The following B3GALT1 variants were observed in gnomAD, a reference collection of about 807,000 sequenced individuals.
B3GALT1 encodes the protein UDP-Gal:betaGlcNAc beta 1,3-galactosyltransferase, polypeptide 1.
A neutral mutation model predicts 23.2 loss-of-function variants in B3GALT1; 10 were observed. That is an observed-to-expected ratio of 0.43 (90% CI 0.27 to 0.73). The LOEUF (loss-of-function observed/expected upper bound fraction) is 0.73, where lower values mean the gene tolerates loss of function less well. B3GALT1 is among the 30% of genes least tolerant of loss of function. The pLI, the probability that B3GALT1 is intolerant of heterozygous loss-of-function variation, is 0.21. For synonymous variants in B3GALT1, 156 were observed against 141.5 expected (o/e 1.10, Z -0.73); for missense variants, 299 against 405.4 (o/e 0.74, Z 2.25).
rs1022667410 is a variant in B3GALT1 at position 167,576,806 on chromosome 2, G to A, written c.-409-70103G>A. ...CTCTGCCTATTCACTATTAGGGAGA[G>A]AGGATGAGGGAAATTAATGCGACTC... is the stretch of plus-strand genomic sequence containing the variant. On this transcript the variant is annotated intron_variant, in intron 2 of 4. Coordinates refer to ENST00000392690, the MANE Select transcript of B3GALT1 (RefSeq NM_020981.4). Among the ~76,000 whole-genome samples the A allele has an allele frequency of 3.3e-5, 5 of 151,812 alleles. No individual in the cohort carries two copies. The South Asian group carries it at 1.0e-3, about 31-fold the overall frequency.
chr2:167,503,827 G>T (rs766552272), intron 2 of B3GALT1, among the ~76,000 whole-genome samples: 3 of 152,116 alleles, frequency 2.0e-5, no homozygotes, highest in Non-Finnish European at 4.4e-5. Flanking sequence ...AATGGTCATT[G>T]CCTTCATTGT....
In B3GALT1 at chr2:167,497,861, A is replaced by G. The variant is rs149540365; in HGVS notation, c.-410+7584A>G. Reference sequence around the variant, plus strand: ...AAGTACCCAACATCTCATGTTTTCTATACTAGATACAGTGAAAAATCTGTA... The same window carrying G: ...AAGTACCCAACATCTCATGTTTTCTGTACTAGATACAGTGAAAAATCTGTA... On this transcript the variant is annotated intron_variant, in intron 2 of 4. Coordinates refer to ENST00000392690, the MANE Select transcript of B3GALT1 (RefSeq NM_020981.4). 5.5e-3 allele frequency among the ~76,000 whole-genome samples: 834 copies of G among 151,992 alleles called. 11 individuals carry two copies. The highest frequency in any genetic ancestry group is 0.019 in the African/African-American group (796 of 41,462).
chr2:167,389,909 C>CA (rs141871874), intron 1 of B3GALT1, among the ~76,000 whole-genome samples: 2,425 of 112,400 alleles, frequency 0.022, 39 homozygotes, highest in South Asian at 0.046. Flanking sequence ...ATACCCTGTC[C>CA]AAAAAAAAAA....
intron 1 of B3GALT1, among the ~76,000 whole-genome samples, chr2:167,351,955 A>ATTTTTTTTTT (rs71031283): frequency 7.4e-6 from 1 of 134,306 alleles, no homozygotes; most frequent in African/African-American, 3.2e-5. Context: ...GCTGTTTTTG[A>ATTTTTTTTTT]TTTTTTTTTT....
intron 3 of B3GALT1, among the ~76,000 whole-genome samples, chr2:167,705,319 G>A (rs1686951910): frequency 6.6e-6 from 1 of 152,174 alleles, no homozygotes. Flanking sequence ...ACTTATCTCA[G>A]CTTTAATCCC....
chr2:167,521,324 A>G (rs1558891351), intron 2 of B3GALT1, among the ~76,000 whole-genome samples: 1 of 152,178 alleles, frequency 6.6e-6, no homozygotes, highest in Non-Finnish European at 1.5e-5. Context: ...TGCAAAAAGT[A>G]CATATTTTCC....
chr2:167,631,011 T>TA (rs200929681), intron 2 of B3GALT1, among the ~76,000 whole-genome samples: 268 of 115,658 alleles, frequency 2.3e-3, no homozygotes, highest in African/African-American at 6.8e-3. Flanking sequence ...GGATTGGGGG[T>TA]AAAAAAAAGG....
intron 1 of B3GALT1, among the ~76,000 whole-genome samples, chr2:167,302,651 C>A (rs1258870551): frequency 1.3e-5 from 2 of 151,894 alleles, no homozygotes; most frequent in Non-Finnish European, 2.9e-5. Context: ...GTTAAAAAAA[C>A]AATAAAAATA....
chr2:167,296,830 G>T (rs1051466046), intron 1 of B3GALT1, among the ~76,000 whole-genome samples: 2 of 152,002 alleles, frequency 1.3e-5, no homozygotes, highest in African/African-American at 4.8e-5. Context: ...TTCTATTGGG[G>T]TGCAATAGAT....
intron 1 of B3GALT1, among the ~76,000 whole-genome samples, chr2:167,396,881 T>C (rs370719787): frequency 1.3e-5 from 2 of 152,014 alleles, no homozygotes; most frequent in African/African-American, 4.8e-5. Context: ...GCGAAGAAGG[T>C]CCTCATAAAA....
intron 2 of B3GALT1, among the ~76,000 whole-genome samples, chr2:167,581,817 G>A (rs1312428570): frequency 6.6e-6 from 1 of 152,166 alleles, no homozygotes; most frequent in African/African-American, 2.4e-5. Flanking sequence ...TAGCTATCCT[G>A]TTTATTTATG....
chr2:167,645,671 A>G (rs1441322487), intron 2 of B3GALT1, among the ~76,000 whole-genome samples: 1 of 149,034 alleles, frequency 6.7e-6, no homozygotes, highest in East Asian at 2.0e-4. Flanking sequence ...AGGTTCAAGC[A>G]ATTCTCCTGC....
chr2:167,861,417 C>G (rs943740098), intron 4 of B3GALT1, among the ~76,000 whole-genome samples: 2 of 151,972 alleles, frequency 1.3e-5, no homozygotes, highest in Non-Finnish European at 2.9e-5. Context: ...CTCTGGAGGC[C>G]GGAGGAATTT....
chr2:167,858,344 TAAAA>T (rs77883366), intron 4 of B3GALT1, among the ~76,000 whole-genome samples: 1 of 68,958 alleles, frequency 1.5e-5, no homozygotes, highest in Admixed American at 1.6e-4. Context: ...AAGAGCGAAG[TAAAA>T]AAAAAAAAAA....
chr2:167,643,186 A>T (rs1685686091), intron 2 of B3GALT1, among the ~76,000 whole-genome samples: 1 of 152,242 alleles, frequency 6.6e-6, no homozygotes. Context: ...TAAAACGTAT[A>T]CATTAAATCT....
intron 2 of B3GALT1, among the ~76,000 whole-genome samples, chr2:167,535,709 G>A (rs949054405): frequency 6.6e-6 from 1 of 151,860 alleles, no homozygotes; most frequent in African/African-American, 2.4e-5. Flanking sequence ...AGAGTAATAA[G>A]ATTGGAAAAG....
At chr2:167,487,339 C>G (rs1046049635) in intron 1 of B3GALT1, among the ~76,000 whole-genome samples, 2 of 152,138 alleles carry the variant, frequency 1.3e-5, no homozygotes, top group African/African-American at 4.8e-5. Flanking sequence ...TCCTTTATGG[C>G]CTCTGTTTAA....
At chr2:167,397,200 A>C (rs376697151) in intron 1 of B3GALT1, among the ~76,000 whole-genome samples, 2 of 151,718 alleles carry the variant, frequency 1.3e-5, no homozygotes, top group African/African-American at 4.8e-5. Context: ...TCCTTCCTTC[A>C]TTCATTCATT....
chr2:167,476,006 C>T (rs1038392365), intron 1 of B3GALT1, among the ~76,000 whole-genome samples: 7 of 152,076 alleles, frequency 4.6e-5, no homozygotes, highest in Non-Finnish European at 8.8e-5. Flanking sequence ...ACAAAGACAC[C>T]AGTCATATTG....
Sources: allele counts gnomAD v4.1 joint callset (sites outside exome capture counted in the v4.1 genomes callset), GRCh38; gene constraint gnomAD v4.1.1; transcripts MANE v1.5; gene names NCBI Gene and HGNC (gene_info 2026-07-23, HGNC 2026-07-21).